The following TBC1D14 variants were observed in gnomAD, a reference collection of about 807,000 sequenced individuals.
TBC1D14 encodes TBC1 domain family member 14.
A neutral mutation model predicts 79.0 loss-of-function variants in TBC1D14; 26 were observed. The ratio of observed to expected loss-of-function variants is 0.33; its 90% confidence interval spans 0.24 to 0.46. The LOEUF is 0.46. TBC1D14 is among the 20% of genes least tolerant of loss of function. TBC1D14 has a pLI of 1.00. For missense variants in TBC1D14, 769 were observed against 887.6 expected, an observed-to-expected ratio of 0.87 and a Z score of 1.70; for synonymous variants, 394 against 349.9, an observed-to-expected ratio of 1.13 and a Z score of -1.40.
At chr4:7,004,806 A>T in intron 7 of TBC1D14, 38 bp from the exon 8 acceptor site, 1 of 1,602,174 alleles carries the variant, frequency 6.2e-7, no homozygotes, top group Non-Finnish European at 8.6e-7. Context: ...CGAAAAATAC[A>T]TGTGCACGTA....
At chr4:6,917,898 ACAGGTCGC>A (rs1723532303) in intron 1 of TBC1D14, among the ~76,000 whole-genome samples, 1 of 152,282 alleles carries the variant, frequency 6.6e-6, no homozygotes, top group African/African-American at 2.4e-5. Flanking sequence ...GTGCTTGAGG[ACAGGTCGC>A]CTTGGCCCTT....
chr4:6,939,059 G>A (rs565655541), intron 2 of TBC1D14, among the ~76,000 whole-genome samples: 2 of 152,178 alleles, frequency 1.3e-5, no homozygotes, highest in Non-Finnish European at 2.9e-5. Flanking sequence ...CGGCTCAGCC[G>A]GTGGCCTCTT....
intron 2 of TBC1D14, among the ~76,000 whole-genome samples, chr4:6,944,491 C>G (rs1369784280): frequency 6.6e-6 from 1 of 152,162 alleles, no homozygotes; most frequent in Non-Finnish European, 1.5e-5. Context: ...CGTCTCGGGC[C>G]CCTGTCAGCT....
chr4:6,955,570 T>G (rs4234791), intron 2 of TBC1D14, among the ~76,000 whole-genome samples: 136,578 of 152,232 alleles, frequency 0.9, 61,342 homozygotes, highest in East Asian at 0.98. Flanking sequence ...AGTGCTGCAT[T>G]GCTCAGCTGG....
chr4:6,936,891 G>A (rs751435022), intron 2 of TBC1D14, among the ~76,000 whole-genome samples: 7 of 151,720 alleles, frequency 4.6e-5, no homozygotes, highest in Non-Finnish European at 8.8e-5. Flanking sequence ...GTCTTAGTCC[G>A]TTTGAGCTTT....
intron 1 of TBC1D14, among the ~76,000 whole-genome samples, chr4:6,922,316 T>G (rs6446551): frequency 0.27 from 41,446 of 152,026 alleles, 5,833 homozygotes; most frequent in Admixed American, 0.32. Flanking sequence ...GAGGTTGTGG[T>G]CTTTACTCTT....
intron 1 of TBC1D14, among the ~76,000 whole-genome samples, chr4:6,916,261 G>A (rs1298235324): frequency 6.6e-6 from 1 of 152,166 alleles, no homozygotes; most frequent in South Asian, 2.1e-4. Flanking sequence ...TGCCATTGGG[G>A]TTTGAAGAGG....
At chr4:6,931,519 G>A (rs569223027) in intron 2 of TBC1D14, among the ~76,000 whole-genome samples, 3 of 152,280 alleles carry the variant, frequency 2.0e-5, no homozygotes, top group African/African-American at 4.8e-5. Context: ...GCCATAGGAC[G>A]CCAGCTGTGT....
At chr4:6,952,419 G>T (rs1714125451) in intron 2 of TBC1D14, among the ~76,000 whole-genome samples, 1 of 152,194 alleles carries the variant, frequency 6.6e-6, no homozygotes, top group South Asian at 2.1e-4. Context: ...CCTGGGGCAG[G>T]GATTTTGTCA....
intron 1 of TBC1D14, among the ~76,000 whole-genome samples, chr4:6,911,935 A>G (rs1454499499): frequency 1.3e-5 from 2 of 152,170 alleles, no homozygotes; most frequent in Non-Finnish European, 1.5e-5. Flanking sequence ...GAAAGTGAGT[A>G]TGTGTTTGTT....
chr4:6,965,868 G>A (rs768963398), intron 2 of TBC1D14, among the ~76,000 whole-genome samples: 1 of 152,082 alleles, frequency 6.6e-6, no homozygotes, highest in Non-Finnish European at 1.5e-5. Flanking sequence ...AGGTTTCTCC[G>A]GCATAAGATT....
At chr4:6,925,830 C>G (rs753181655) in intron 2 of TBC1D14, among the ~76,000 whole-genome samples, 1 of 152,122 alleles carries the variant, frequency 6.6e-6, no homozygotes. Flanking sequence ...TTCAACTGTC[C>G]CTGCTTATGA....
At chr4:6,954,113 T>TGCCGCCCC in intron 2 of TBC1D14, 1 of 594,222 alleles carries the variant, frequency 1.7e-6, no homozygotes, top group South Asian at 2.0e-5. Context: ...AGGCCCGCCC[T>TGCCGCCCC]GCCGCCCCCG....
intron 6 of TBC1D14, among the ~76,000 whole-genome samples, chr4:7,000,922 C>G (rs769401008): frequency 5.3e-5 from 8 of 152,298 alleles, no homozygotes; most frequent in Middle Eastern, 3.4e-3. Context: ...TCGTGGTGAC[C>G]TACGCTATGC....
chr4:7,024,549 A>G (rs983103180), intron 12 of TBC1D14, among the ~76,000 whole-genome samples: 4 of 152,178 alleles, frequency 2.6e-5, no homozygotes, highest in Admixed American at 6.5e-5. Context: ...CCAGGAGCCT[A>G]AGGGCACCCA....
chr4:6,967,216 T>C, intron 2 of TBC1D14, 88 bp from the exon 3 acceptor site: 1 of 1,525,754 alleles, frequency 6.6e-7, no homozygotes, highest in Non-Finnish European at 8.8e-7. Context: ...AGAGGAAAGC[T>C]GACTTGTTTT....
intron 5 of TBC1D14, among the ~76,000 whole-genome samples, chr4:6,998,111 C>T (rs1218394953): frequency 1.3e-5 from 2 of 152,144 alleles, no homozygotes; most frequent in Admixed American, 6.6e-5. Context: ...TGGCTCACAC[C>T]TGTAATCCCA....
At chr4:6,919,902 A>G in intron 1 of TBC1D14, among the ~76,000 whole-genome samples, 1 of 152,114 alleles carries the variant, frequency 6.6e-6, no homozygotes, top group African/African-American at 2.4e-5. Context: ...TACAGGCGTG[A>G]GCCACCGTGC....
chr4:7,013,743 CTTTT>C (rs11318080), intron 11 of TBC1D14, among the ~76,000 whole-genome samples: 7 of 137,100 alleles, frequency 5.1e-5, no homozygotes, highest in Non-Finnish European at 1.6e-5. Flanking sequence ...TTTCCAGATA[CTTTT>C]TTTTTTTTTT....
Sources: gnomAD v4.1 joint callset for allele counts (sites outside exome capture counted in the v4.1 genomes callset) on GRCh38, gnomAD v4.1.1 for gene constraint, MANE v1.5 for transcripts, NCBI Gene and HGNC (gene_info 2026-07-23, HGNC 2026-07-21) for gene names.